Variants in PMF1 observed in about 807,000 individuals in gnomAD.
PMF1 encodes the protein polyamine modulated factor 1, also known as polyamine-modulated factor 1.
In PMF1, 21 loss-of-function variants were observed where a neutral mutation model predicts 26.7. The ratio of observed to expected loss-of-function variants is 0.79; its 90% confidence interval spans 0.56 to 1.13. PMF1 has a LOEUF of 1.13. Among genes scored for constraint, PMF1 ranks in the 50% most tolerant of loss-of-function variants. The pLI is 0.00. For missense variants in PMF1, 266 were observed against 254.9 expected, an observed-to-expected ratio of 1.04 and a Z score of -0.30; for synonymous variants, 105 against 101.0, an observed-to-expected ratio of 1.04 and a Z score of -0.24.
chr1:156,214,463 A>C (rs1657572353), intron 1 of PMF1, among the ~76,000 whole-genome samples: 1 of 152,148 alleles, frequency 6.6e-6, no homozygotes, highest in Non-Finnish European at 1.5e-5. Flanking sequence ...CTCATGACTC[A>C]TCAAATATTT....
chr1:156,238,980 G>A (rs369199674), intron 4 of PMF1, among the ~76,000 whole-genome samples: 58 of 152,156 alleles, frequency 3.8e-4, no homozygotes, highest in African/African-American at 1.3e-3. Context: ...GCAAGGCGCT[G>A]CTCCACTATC....
chr1:156,231,399 C>T (rs979301544), intron 1 of PMF1, among the ~76,000 whole-genome samples: 2 of 149,462 alleles, frequency 1.3e-5, no homozygotes, highest in Admixed American at 1.3e-4. Context: ...GAGATCCTGT[C>T]TCAAAAAGAA....
In PMF1 at chr1:156,224,395, G is replaced by A. The variant is rs150231164; in HGVS notation, c.162-7925G>A. Among the ~76,000 whole-genome samples, 388 of 152,286 alleles carry A rather than the reference G, an allele frequency of 2.5e-3. 3 individuals are homozygous for A. The highest frequency in any genetic ancestry group is 9.1e-3 in the African/African-American group (379 of 41,566). Reference sequence around the variant, plus strand: ...CACCAGAATCCTAATTGTACCTGTCGAAAGGCTAATTTTTAAAGGATAACC... The same window carrying A: ...CACCAGAATCCTAATTGTACCTGTCAAAAGGCTAATTTTTAAAGGATAACC... On this transcript the variant is annotated intron_variant, in intron 1 of 4. Transcript: ENST00000368277.
intron 4 of PMF1, chr1:156,236,697 A>G: frequency 1.5e-6 from 1 of 656,980 alleles, no homozygotes; most frequent in Non-Finnish European, 2.5e-6. Context: ...TCCACCAGGC[A>G]CAGGCATGTG....
chr1:156,218,313 A>G (rs578138302), intron 1 of PMF1, among the ~76,000 whole-genome samples: 2 of 152,308 alleles, frequency 1.3e-5, no homozygotes, highest in East Asian at 3.9e-4. Context: ...CCTTTGAGGA[A>G]CAGAAGTCTT....
chr1:156,220,515 G>A (rs1277537976), intron 1 of PMF1, among the ~76,000 whole-genome samples: 1 of 151,844 alleles, frequency 6.6e-6, no homozygotes, highest in Admixed American at 6.6e-5. Flanking sequence ...CACCCAGCCT[G>A]TCTCCAGTTT....
chr1:156,233,372 G>C (rs940528969), intron 2 of PMF1, among the ~76,000 whole-genome samples: 3 of 151,010 alleles, frequency 2.0e-5, no homozygotes, highest in African/African-American at 7.3e-5. Context: ...TACCAGGCTG[G>C]TCTCGAACTC....
intron 1 of PMF1, among the ~76,000 whole-genome samples, chr1:156,213,872 T>G (rs1009765707): frequency 6.6e-6 from 1 of 152,200 alleles, no homozygotes; most frequent in African/African-American, 2.4e-5. Flanking sequence ...TGTGTTACCA[T>G]GAAAAGAAAC....
At chr1:156,233,294 C>G (rs1023562292) in intron 2 of PMF1, among the ~76,000 whole-genome samples, 1 of 151,014 alleles carries the variant, frequency 6.6e-6, no homozygotes, top group Non-Finnish European at 1.5e-5. Flanking sequence ...GCTGGGATGA[C>G]AGCTGAGTGC....
In PMF1 at chr1:156,236,337, T is replaced by G. The variant is rs778280527; in HGVS notation, c.418T>G (p.Tyr140Asp). The G allele has an allele frequency of 6.2e-7, 1 of 1,614,206 alleles. No individual in the cohort carries two copies. The highest frequency in any genetic ancestry group is 8.5e-7 in the Non-Finnish European group (1 of 1,180,022). ...GGATCTGCACAGTGTTATGGCACCCTACTTCCTGCAGCAACGGGACACCCT... is the reference window on the plus strand; with the variant it reads ...GGATCTGCACAGTGTTATGGCACCCGACTTCCTGCAGCAACGGGACACCCT... ...EKDLHSVMAPYFLQQRDTLRR... is the reference protein window; with the variant it reads ...EKDLHSVMAPDFLQQRDTLRR... The change falls in exon 4 of 5, where the codon TAC (tyrosine) becomes GAC (aspartate). Residue 140 changes from tyrosine to aspartate, a missense_variant. Physicochemically the swap from Tyr to Asp is radical, Grantham distance 160 (BLOSUM62 -3). Transcript: ENST00000368277.
chr1:156,215,015 T>C (rs1323622074), intron 1 of PMF1, among the ~76,000 whole-genome samples: 1 of 151,882 alleles, frequency 6.6e-6, no homozygotes, highest in Non-Finnish European at 1.5e-5. Flanking sequence ...GTAGTTGAGA[T>C]TACAGGTGCC....
Position 156,239,992 on chromosome 1 carries a change from T to C in PMF1, c.*391T>C. ...CCCTTGCTGGCCAGCCCAGGGGCCT[T>C]TACCATGTTCTCTCCACATCCGTAA... is the stretch of plus-strand genomic sequence containing the variant. On this transcript the variant is annotated 3_prime_UTR_variant, in exon 5 of 5. Coordinates refer to ENST00000368277, the MANE Select transcript of PMF1 (RefSeq NM_007221.4). The C allele has an allele frequency of 4.8e-6, 1 of 207,990 alleles. No individual in the cohort carries two copies. The highest frequency in any genetic ancestry group is 1.0e-4 in the South Asian group (1 of 10,010). The allele number at this position is 207,990 out of a possible 1,614,324, so 12.9% of individuals were successfully genotyped here. A position where few individuals can be genotyped will look rare whatever the true frequency, so the allele number is the denominator to read the frequency against.
At chr1:156,221,518 G>C (rs927846751) in intron 1 of PMF1, among the ~76,000 whole-genome samples, 1 of 152,170 alleles carries the variant, frequency 6.6e-6, no homozygotes, top group South Asian at 2.1e-4. Flanking sequence ...TAAAACCTAA[G>C]GTCCTTGAGG....
chr1:156,224,914 C>CTTTTTTTTT (rs1658272806), intron 1 of PMF1, among the ~76,000 whole-genome samples: 1 of 149,120 alleles, frequency 6.7e-6, no homozygotes, highest in African/African-American at 2.5e-5. Context: ...TTTTTTTTTC[C>CTTTTTTTTT]TTTTTGAGTC....
chr1:156,222,383 CT>C (rs11432585), intron 1 of PMF1, among the ~76,000 whole-genome samples: 8 of 150,404 alleles, frequency 5.3e-5, no homozygotes, highest in East Asian at 3.9e-4. Flanking sequence ...TGAATACATA[CT>C]TTTTTTTTTC....
intron 1 of PMF1, among the ~76,000 whole-genome samples, chr1:156,213,702 T>C (rs920774287): frequency 1.3e-5 from 2 of 152,088 alleles, no homozygotes; most frequent in African/African-American, 4.8e-5. Context: ...CGTCGGCTTC[T>C]TGTCAGTCAA....
intron 2 of PMF1, 31 bp downstream of exon 2, chr1:156,232,456 T>A (rs1658768819): frequency 1.2e-6 from 2 of 1,606,662 alleles, no homozygotes; most frequent in Middle Eastern, 3.3e-4. Flanking sequence ...CAGGTGCTGT[T>A]GACTTGGGTT....
chr1:156,236,584 G>T lies in PMF1; in HGVS notation c.564+101G>T, dbSNP rs185689636. ...CATTCCAACACAGGGGACCCCCACA[G>T]GGGGTAGGAGAGCTTGCCCCCTGGG... is the stretch of plus-strand genomic sequence containing the variant. On this transcript the variant is annotated intron_variant, in intron 4 of 4. Transcript: ENST00000368277. The T allele has an allele frequency of 2.3e-3, 3,344 of 1,433,348 alleles. 5 individuals carry two copies. The highest frequency in any genetic ancestry group is 2.8e-3 in the Non-Finnish European group (2,990 of 1,079,116). 88.8% of individuals were successfully genotyped at this position (1,433,348 alleles called of 1,614,324 possible).
intron 4 of PMF1, among the ~76,000 whole-genome samples, chr1:156,239,165 C>T (rs1362056362): frequency 6.6e-6 from 1 of 152,220 alleles, no homozygotes; most frequent in Non-Finnish European, 1.5e-5. Context: ...CAGACCCTCA[C>T]GTTGTTTGAC....
Sources: gnomAD v4.1 joint callset for allele counts (sites outside exome capture counted in the v4.1 genomes callset) on GRCh38, gnomAD v4.1.1 for gene constraint, MANE v1.5 for transcripts, NCBI Gene and HGNC (gene_info 2026-07-23, HGNC 2026-07-21) for gene names.